Variants in NBEAL2 observed in about 807,000 individuals in gnomAD.
NBEAL2 encodes neurobeachin-like protein 2.
Under a neutral mutation model 299.8 loss-of-function variants are expected in NBEAL2, and 160 were observed. The observed-to-expected ratio is 0.53, with a 90% CI of 0.47 to 0.61. The LOEUF (loss-of-function observed/expected upper bound fraction) is 0.61, where lower values mean the gene tolerates loss of function less well. Among genes scored for constraint, NBEAL2 ranks in the 20% least tolerant of loss-of-function variants. The pLI is 0.00. For synonymous variants in NBEAL2, 1,493 were observed against 1,542.3 expected, an observed-to-expected ratio of 0.97 and a Z score of 0.75; for missense variants, 3,112 against 3,649.0, an observed-to-expected ratio of 0.85 and a Z score of 3.79.
In NBEAL2 at chr3:46,989,571, G is replaced by T; in HGVS notation, c.534G>T (p.Gln178His). Residue 178 changes from glutamine to histidine, a missense_variant, in exon 6 of 54, where the codon CAG becomes CAT. Gln to His is a conservative substitution (Grantham distance 24). Transcript: ENST00000450053. This position sits in a 1 kb window ranked among gnomAD's most constrained non-coding sequence, Gnocchi z 5.5. ...AGTTCCCTCCTGCTGCTTTGCCCCA[G>T]GAATTCAGCGCCTTCTTCCAAGGTC... ...KYKFPPAALPQEFSAFFQESL... is the reference protein window; with the variant it reads ...KYKFPPAALPHEFSAFFQESL... 6.3e-7 allele frequency: 1 copy of T among 1,595,382 alleles called. No individual in the cohort carries two copies.
chr3:46,997,111 G>C, intron 18 of NBEAL2, 65 bp downstream of exon 18: 2 of 1,562,400 alleles, frequency 1.3e-6, no homozygotes, highest in Non-Finnish European at 8.8e-7. Flanking sequence ...TGTGTTCGGA[G>C]TCAGCTGGGG....
chr3:47,003,035 T>C lies in NBEAL2; in HGVS notation c.5538T>C (p.His1846=). Reference sequence around the variant, plus strand: ...TGCGTCTGAAGCTGGTGCCCAACCATCACTTCGACCCTCACCTGGAAGCCA... The same window carrying C: ...TGCGTCTGAAGCTGGTGCCCAACCACCACTTCGACCCTCACCTGGAAGCCA... ...SRMRLKLVPN[H]HFDPHLEASA... is the part of the protein sequence containing the mutation. Residue 1846 remains histidine (H), a synonymous_variant, in exon 34 of 54, where the codon CAT becomes CAC. Transcript: ENST00000450053. The surrounding 1 kb of genome is among the most constrained non-coding windows in gnomAD (Gnocchi z 7.0). The C allele has an allele frequency of 2.5e-6, 4 of 1,613,156 alleles. No individual in the cohort carries two copies. The highest frequency in any genetic ancestry group is 3.4e-6 in the Non-Finnish European group (4 of 1,179,644).
chr3:46,988,756 A>T lies in NBEAL2; in HGVS notation c.139A>T (p.Arg47Trp). The T allele has an allele frequency of 6.2e-7, 1 of 1,613,222 alleles. No individual in the cohort carries two copies. The highest frequency in any genetic ancestry group is 8.5e-7 in the Non-Finnish European group (1 of 1,179,272). The change falls in exon 2 of 54, where the codon AGG becomes TGG. Residue 47 changes from arginine (R) to tryptophan (W), a missense_variant and splice_region_variant. Transcript: ENST00000450053. The surrounding 1 kb of genome is among the most constrained non-coding windows in gnomAD (Gnocchi z 4.4). The part of the protein sequence containing the change: ...SISLSSLEPR[R>W]PEEAGAEVPL... ...CTCACTGTCCTCTCTGGAGCCACGA[A>T]GGTGAGGCTGGATCTGCACTGAGGG...
At position 47,004,558 on chromosome 3, in the gene NBEAL2, C is replaced by T. The variant is rs762392684; in HGVS notation, c.6262C>T (p.Arg2088Trp). The T allele has an allele frequency of 2.5e-6, 4 of 1,613,676 alleles. No homozygotes were observed. The highest frequency in any genetic ancestry group is 3.3e-5 in the Admixed American group (2 of 59,992). The change falls in exon 38 of 54, where the codon CGG (arginine) becomes TGG (tryptophan). Residue 2088 changes from arginine to tryptophan, a missense_variant. Arg to Trp is a moderately radical substitution (Grantham distance 101). Transcript: ENST00000450053. This position sits in a 1 kb window ranked among gnomAD's most constrained non-coding sequence, Gnocchi z 5.0. ...GATGCAACTCAACACCATTGCGGGG[C>T]GGACCTACAATGACCTGTCTCAGTA... is the stretch of plus-strand genomic sequence containing the variant. ...YLMQLNTIAG[R>W]TYNDLSQYPV... is the part of the protein sequence containing the mutation.
intron 25 of NBEAL2, 61 bp from the exon 26 acceptor site, chr3:46,999,569 G>C: frequency 6.3e-7 from 1 of 1,586,596 alleles, no homozygotes; most frequent in African/African-American, 1.3e-5. Context: ...AGGGGCCAGG[G>C]CTGGGCCCTG....
In NBEAL2 at chr3:47,004,332, C is replaced by G; in HGVS notation, c.6137C>G (p.Ser2046Cys). 1 of 1,609,636 alleles carries G rather than the reference C, an allele frequency of 6.2e-7. No individual in the cohort carries two copies. The highest frequency in any genetic ancestry group is 1.1e-5 in the South Asian group (1 of 90,822). Residue 2046 changes from serine (S) to cysteine (C), a missense_variant, in exon 37 of 54, where the codon TCT becomes TGT. Coordinates refer to ENST00000450053, the MANE Select transcript of NBEAL2 (RefSeq NM_015175.3). This position sits in a 1 kb window ranked among gnomAD's most constrained non-coding sequence, Gnocchi z 5.0. ...YSWLLRLRPP[S>C]QGYLSSRSPQ... ...TGGCTCCTGCGCCTACGGCCCCCCT[C>G]TCAAGGCTACCTAAGCAGCCGCTCC...
In NBEAL2 at chr3:47,009,253, G is replaced by C. The variant is rs1442504205; in HGVS notation, c.8198G>C (p.Arg2733Pro). 8 of 1,601,698 alleles carry C rather than the reference G, an allele frequency of 5.0e-6. No individual in the cohort carries two copies. The highest frequency in any genetic ancestry group is 3.4e-5 in the South Asian group (3 of 88,662). The change falls in exon 54 of 54, where the codon CGG (arginine) becomes CCG (proline). Residue 2733 changes from arginine to proline, a missense_variant. Arg to Pro is a moderately radical substitution (Grantham distance 103, BLOSUM62 -2). Around this residue, in one of 3 missense-constraint regions of NBEAL2, gnomAD observed 348 missense variants for 381.4 expected, o/e 0.91. Transcript: ENST00000450053. ...AGCCAGTTCGCGCGGAAGCTGTGGC[G>C]GTCCTCGCGGCGCATCTCCCAGGTG... ...RSSQFARKLW[R>P]SSRRISQVSS...
rs767106432 is a variant in NBEAL2 at position 47,008,602 on chromosome 3, C to T, written c.7961C>T (p.Thr2654Met). Residue 2654 changes from threonine (T) to methionine (M), a missense_variant, in exon 52 of 54, where the codon ACG (threonine) becomes ATG (methionine). By Grantham distance (81) the Thr-to-Met change is moderately conservative. Transcript: ENST00000450053. ...CTGGCAGAGCAGCCTACAGCCCTGA[C>T]GGTGACAGAGGACTTTGTGTTGCTG... ...LPLAEQPTAL[T>M]VTEDFVLLGT... 16 of 1,613,500 alleles carry T rather than the reference C, an allele frequency of 9.9e-6. No homozygotes were observed. Among genetic ancestry groups the T allele is most frequent in the South Asian group, 3.3e-5 (3 of 91,094 alleles).
In NBEAL2 at chr3:46,989,245, T is replaced by C; in HGVS notation, c.352-15T>C. Reference sequence around the variant, plus strand: ...TAGCCATGGCGGGGCTAACCCTCTCTCCCCACACCTACAGCTGAAAGGATG... The same window carrying C: ...TAGCCATGGCGGGGCTAACCCTCTCCCCCCACACCTACAGCTGAAAGGATG... On this transcript the variant is annotated splice_polypyrimidine_tract_variant and intron_variant, in intron 4 of 53. Transcript: ENST00000450053. The surrounding 1 kb of genome is among the most constrained non-coding windows in gnomAD (Gnocchi z 5.5). The C allele has an allele frequency of 6.2e-7, 1 of 1,612,168 alleles. No homozygotes were observed. Among genetic ancestry groups the C allele is most frequent in the South Asian group, 1.1e-5 (1 of 90,778 alleles).
In NBEAL2 at chr3:46,999,420, G is replaced by A. The variant is rs1315668363; in HGVS notation, c.3649G>A (p.Gly1217Arg). 1 of 1,593,026 alleles carries A rather than the reference G, an allele frequency of 6.3e-7. No homozygotes were observed. Among genetic ancestry groups the A allele is most frequent in the Admixed American group, 1.8e-5 (1 of 56,528 alleles). Reference protein sequence around the residue: ...LQGLVACLPEGTVSPQLCQGL... With the variant: ...LQGLVACLPERTVSPQLCQGL... ...GGGTCTGGTTGCCTGCTTGCCTGAG[G>A]GGACTGTTTCCCCCCAGCTCTGCCA... The change falls in exon 25 of 54, where the codon GGG becomes AGG. Residue 1217 changes from glycine to arginine, a missense_variant. Gly to Arg is a moderately radical substitution (Grantham distance 125). This residue lies in a region of NBEAL2 where 2,243 missense variants were observed against 2,538.1 expected (regional missense o/e 0.88). Coordinates refer to ENST00000450053, the MANE Select transcript of NBEAL2 (RefSeq NM_015175.3).
chr3:47,009,539 A>T lies in NBEAL2; in HGVS notation c.*219A>T. The stretch of plus-strand genomic sequence containing the variant: ...CTGAGGGGCCGCCCTGAGGGCCAGC[A>T]CTGGCGTCTGCGGCCGCAGCAGCAC... On this transcript the variant is annotated 3_prime_UTR_variant, in exon 54 of 54. Transcript: ENST00000450053. 1.8e-6 allele frequency: 1 copy of T among 568,948 alleles called. No homozygotes were observed. The highest frequency in any genetic ancestry group is 2.1e-5 in the South Asian group (1 of 47,082). The allele number at this position is 568,948 out of a possible 1,614,324, so 35.2% of individuals were successfully genotyped here.
At chr3:46,980,109 C>G (rs1184135241) in intron 1 of NBEAL2, among the ~76,000 whole-genome samples, 197 bp downstream of exon 1, 1 of 152,114 alleles carries the variant, frequency 6.6e-6, no homozygotes, top group Non-Finnish European at 1.5e-5. Flanking sequence ...GCACTTATGC[C>G]TTGGGGACAG....
intron 33 of NBEAL2, 72 bp from the exon 34 acceptor site, chr3:47,002,885 G>T: frequency 1.3e-6 from 2 of 1,583,032 alleles, no homozygotes; most frequent in Non-Finnish European, 8.6e-7. Flanking sequence ...GACTGCCTTT[G>T]GGGTGAGGCC....
intron 10 of NBEAL2, among the ~76,000 whole-genome samples, chr3:46,992,833 T>C (rs1036404877): frequency 6.6e-6 from 1 of 152,170 alleles, no homozygotes; most frequent in Non-Finnish European, 1.5e-5. Flanking sequence ...CTACCTCATT[T>C]CTCAGAAGGG....
rs760414886 is a variant in NBEAL2, at chr3:46,991,231, AT to A, written c.570del (p.Asn190LysfsTer32). On this transcript the variant is annotated frameshift_variant, in exon 7 of 54. Transcript: ENST00000450053. LOFTEE classifies it high-confidence loss of function. This position sits in a 1 kb window ranked among gnomAD's most constrained non-coding sequence, Gnocchi z 6.2. ...FSAFFQESLQ[N>X]ADHLPPILLL... ...CCCCCCTACCCAGAGAGCCTACAGA[AT>A]GCAGACCACTTGCCTCCCATACTGC... The A allele has an allele frequency of 6.2e-7, 1 of 1,607,250 alleles. No homozygotes were observed. Among genetic ancestry groups the A allele is most frequent in the Non-Finnish European group, 8.5e-7 (1 of 1,176,766 alleles).
At chr3:46,992,607 A>G (rs1409963209) in intron 10 of NBEAL2, 52 bp downstream of exon 10, 3 of 1,491,366 alleles carry the variant, frequency 2.0e-6, no homozygotes, top group African/African-American at 2.8e-5. Context: ...TCCCTCTTTG[A>G]GCTTTTCCTG....
intron 20 of NBEAL2, 88 bp downstream of exon 20, chr3:46,997,782 G>A (rs1304503858): frequency 2.1e-6 from 3 of 1,414,768 alleles, no homozygotes; most frequent in Middle Eastern, 2.6e-4. Context: ...TGTCAGTCAT[G>A]AAGAACCTCC....
rs1559577065 is a variant in NBEAL2, at chr3:46,982,966, A to G, written c.51+3054A>G. On this transcript the variant is annotated intron_variant, in intron 1 of 53. Transcript: ENST00000450053. The surrounding 1 kb of genome is among the most constrained non-coding windows in gnomAD (Gnocchi z 4.2). ...CCCATAAAAGTTAATGCCACATAGC[A>G]TGCAGATGAGTGGCCCCTGTTCAGG... Among the ~76,000 whole-genome samples, 1 of 152,168 alleles carries G rather than the reference A, an allele frequency of 6.6e-6. No homozygotes were observed. Among genetic ancestry groups the G allele is most frequent in the Non-Finnish European group, 1.5e-5 (1 of 68,032 alleles).
At chr3:46,999,745 A>G in intron 26 of NBEAL2, 30 bp downstream of exon 26, 1 of 1,602,648 alleles carries the variant, frequency 6.2e-7, no homozygotes, top group Non-Finnish European at 8.5e-7. Context: ...GCTTTGGGGG[A>G]GGGGGAGGGT....
Sources: allele counts gnomAD v4.1 joint callset (sites outside exome capture counted in the v4.1 genomes callset), GRCh38; gene constraint gnomAD v4.1.1; regional missense constraint gnomAD v4.1.1; non-coding constraint Gnocchi (gnomAD v3.1); transcripts MANE v1.5; gene names NCBI Gene and HGNC (gene_info 2026-07-23, HGNC 2026-07-21).